TMEM245: variants seen among roughly 807,000 people sequenced by gnomAD.
TMEM245 encodes the protein protein CG-2.
Under a neutral mutation model 101.2 loss-of-function variants are expected in TMEM245, and 69 were observed. The ratio of observed to expected loss-of-function variants is 0.68; its 90% confidence interval spans 0.56 to 0.83. The LOEUF (loss-of-function observed/expected upper bound fraction) is 0.83, where lower values mean the gene tolerates loss of function less well. Among genes scored for constraint, TMEM245 ranks in the 40% least tolerant of loss-of-function variants. The probability of loss-of-function intolerance (pLI) is 0.00; values close to 1 mark genes in which losing one functional copy is unlikely to be tolerated. For missense variants in TMEM245, 1,075 were observed against 1,092.8 expected, an observed-to-expected ratio of 0.98 and a Z score of 0.23; for synonymous variants, 537 against 449.8, an observed-to-expected ratio of 1.19 and a Z score of -2.45.
chr9:109,038,814 A>C (rs1311848483), intron 14 of TMEM245: 1 of 152,284 alleles, frequency 6.6e-6, no homozygotes, highest in African/African-American at 2.4e-5. Flanking sequence ...AATACATGAA[A>C]ATCTGCAATG....
Position 109,021,732 on chromosome 9 carries a change from G to C in TMEM245, c.2595-1227C>G, listed in dbSNP as rs1827629904. ...GTGGGAGGATCACCTGAGCCCAAGA[G>C]GTTGAGGCTGCAGTGAGCCTAGGTC... On this transcript the variant is annotated intron_variant, in intron 17 of 17. Coordinates refer to ENST00000374586, the MANE Select transcript of TMEM245 (RefSeq NM_032012.4). Among the ~76,000 whole-genome samples the C allele has an allele frequency of 4.6e-5, 7 of 152,200 alleles. No individual in the cohort carries two copies. The South Asian group carries it at 1.5e-3, about 32-fold the overall frequency.
Position 109,017,861 on chromosome 9 carries a change from G to A in TMEM245, c.*2599C>T, listed in dbSNP as rs908173368. 6.6e-6 allele frequency: 1 copy of A among 152,174 alleles called. No individual in the cohort carries two copies. Among genetic ancestry groups the A allele is most frequent in the Admixed American group, 6.5e-5 (1 of 15,272 alleles). 9.4% of individuals were successfully genotyped at this position (152,174 alleles called of 1,614,324 possible). ...TTCCTCATTGCATCTGAGGAATCAT[G>A]CTGGAATGCTTCTTTCTGGCTCGGA... On this transcript the variant is annotated 3_prime_UTR_variant, in exon 18 of 18. Coordinates refer to ENST00000374586, the MANE Select transcript of TMEM245 (RefSeq NM_032012.4).
At chr9:109,055,887 G>A (rs903744004) in intron 12 of TMEM245, among the ~76,000 whole-genome samples, 1 of 152,154 alleles carries the variant, frequency 6.6e-6, no homozygotes, top group Non-Finnish European at 1.5e-5. Flanking sequence ...ACCCGCCTCG[G>A]CCTCCCAAAG....
intron 7 of TMEM245, among the ~76,000 whole-genome samples, chr9:109,084,444 T>C (rs1463216308): frequency 6.6e-6 from 1 of 152,230 alleles, no homozygotes; most frequent in African/African-American, 2.4e-5. Flanking sequence ...GATTCAGTTA[T>C]GAAGTAGTCT....
Position 109,115,829 on chromosome 9 carries a change from C to T in TMEM245, c.579+3506G>A, listed in dbSNP as rs1256531624. Among the ~76,000 whole-genome samples the T allele has an allele frequency of 5.3e-5, 8 of 152,116 alleles. No homozygotes were observed. The East Asian group carries it at 1.4e-3, about 26-fold the overall frequency. ...ACAGGTGTGAGCAACCGCACCTGGC[C>T]TACAATCCACTAAAAATAATTAAAC... On this transcript the variant is annotated intron_variant, in intron 1 of 17. Transcript: ENST00000374586.
intron 14 of TMEM245, among the ~76,000 whole-genome samples, chr9:109,040,092 T>C (rs372308296): frequency 5.3e-5 from 8 of 152,202 alleles, no homozygotes; most frequent in Non-Finnish European, 7.3e-5. Context: ...GCTGAGAATA[T>C]TGGTTGCTGG....
At chr9:109,071,949 C>T (rs1436273764) in intron 9 of TMEM245, among the ~76,000 whole-genome samples, 1 of 152,164 alleles carries the variant, frequency 6.6e-6, no homozygotes, top group Non-Finnish European at 1.5e-5. Flanking sequence ...TTAGGCTCTG[C>T]AGAACATATA....
chr9:109,053,766 T>C (rs1050728298), intron 12 of TMEM245, among the ~76,000 whole-genome samples: 7 of 152,166 alleles, frequency 4.6e-5, no homozygotes, highest in Non-Finnish European at 8.8e-5. Context: ...ATGGAGCCGG[T>C]GAAGGAGATT....
At chr9:109,098,528 C>G (rs1400860368) in intron 3 of TMEM245, among the ~76,000 whole-genome samples, 1 of 151,044 alleles carries the variant, frequency 6.6e-6, no homozygotes, top group African/African-American at 2.4e-5. Flanking sequence ...TCAAAAACCA[C>G]AAGGAATTGG....
At chr9:109,044,885 G>A (rs146773499) in intron 14 of TMEM245, among the ~76,000 whole-genome samples, 7 of 150,342 alleles carry the variant, frequency 4.7e-5, no homozygotes, top group Non-Finnish European at 7.4e-5. Context: ...TGAGCCTCCC[G>A]AGTAGCTAGG....
intron 8 of TMEM245, among the ~76,000 whole-genome samples, 169 bp downstream of exon 8, chr9:109,080,670 G>A (rs928887900): frequency 7.9e-5 from 12 of 151,914 alleles, no homozygotes; most frequent in South Asian, 6.2e-4. Context: ...AATATACTAG[G>A]CAAATTCATG....
chr9:109,051,481 A>G (rs1433778510), intron 12 of TMEM245, among the ~76,000 whole-genome samples: 1 of 152,176 alleles, frequency 6.6e-6, no homozygotes, highest in African/African-American at 2.4e-5. Flanking sequence ...ACAAACCTAA[A>G]TGGTAAAGCC....
intron 12 of TMEM245, 32 bp from the exon 13 acceptor site, chr9:109,050,724 C>T (rs369645617): frequency 1.2e-6 from 2 of 1,609,576 alleles, no homozygotes; most frequent in African/African-American, 1.4e-5. Context: ...ATATCAGAAC[C>T]AATCCTCATG....
At chr9:109,054,245 G>A (rs1239262922) in intron 12 of TMEM245, among the ~76,000 whole-genome samples, 2 of 152,164 alleles carry the variant, frequency 1.3e-5, no homozygotes, top group African/African-American at 4.8e-5. Flanking sequence ...GGAGGAGGAT[G>A]AAGCAGAAGG....
At chr9:109,090,877 C>A (rs754608792) in intron 5 of TMEM245, 45 bp downstream of exon 5, 143 of 1,542,664 alleles carry the variant, frequency 9.3e-5, no homozygotes, top group Non-Finnish European at 1.2e-4. Flanking sequence ...AGAAAAAAAT[C>A]AATCTTCAAA....
intron 14 of TMEM245, among the ~76,000 whole-genome samples, chr9:109,041,303 T>C (rs1588027027): frequency 6.6e-6 from 1 of 152,050 alleles, no homozygotes; most frequent in South Asian, 2.1e-4. Context: ...AAGAAGGAAA[T>C]CCTGTCATTT....
At position 109,036,346 on chromosome 9, in the gene TMEM245, C is replaced by T. The variant is rs1400208329; in HGVS notation, c.2259G>A (p.Leu753=). 1 of 1,612,146 alleles carries T rather than the reference C, an allele frequency of 6.2e-7. No homozygotes were observed. The highest frequency in any genetic ancestry group is 2.2e-5 in the East Asian group (1 of 44,842). The change falls in exon 16 of 18, where the codon CTG becomes CTA. Residue 753 remains leucine, a synonymous_variant. Coordinates refer to ENST00000374586, the MANE Select transcript of TMEM245 (RefSeq NM_032012.4). ...LAAILGAVPF[L]GTYWAAVPAV... is the part of the protein sequence containing the mutation. ...CAGGTACTGCTGCCCAGTATGTCCC[C>T]AGGAATGGCACTGCTCCAAGGATTG... is the stretch of plus-strand genomic sequence containing the variant.
intron 10 of TMEM245, among the ~76,000 whole-genome samples, chr9:109,064,078 T>C (rs1314506823): frequency 6.6e-6 from 1 of 152,012 alleles, no homozygotes; most frequent in East Asian, 1.9e-4. Flanking sequence ...GCAGGCTTCT[T>C]AGAAACAGTA....
chr9:109,041,114 C>T (rs894584078), intron 14 of TMEM245, among the ~76,000 whole-genome samples: 19 of 152,152 alleles, frequency 1.2e-4, no homozygotes, highest in Non-Finnish European at 2.5e-4. Context: ...GAGGTTAAAC[C>T]TCACAGTTTC....
Sources: gnomAD v4.1 joint callset for allele counts (sites outside exome capture counted in the v4.1 genomes callset) on GRCh38, gnomAD v4.1.1 for gene constraint, MANE v1.5 for transcripts, NCBI Gene and HGNC (gene_info 2026-07-23, HGNC 2026-07-21) for gene names.